EIF2AK3: variants seen among roughly 807,000 people sequenced by gnomAD.
EIF2AK3 encodes eukaryotic translation initiation factor 2-alpha kinase 3.
A neutral mutation model predicts 113.5 loss-of-function variants in EIF2AK3; 50 were observed. That is an observed-to-expected ratio of 0.44 (90% CI 0.35 to 0.56). The LOEUF (loss-of-function observed/expected upper bound fraction) is 0.56, where lower values mean the gene tolerates loss of function less well. EIF2AK3 is among the 20% of genes least tolerant of loss of function. The probability of loss-of-function intolerance (pLI) is 0.00; values close to 1 mark genes in which losing one functional copy is unlikely to be tolerated. For synonymous variants in EIF2AK3, 448 were observed against 495.4 expected, an observed-to-expected ratio of 0.90 and a Z score of 1.27; for missense variants, 1,185 against 1,378.0, an observed-to-expected ratio of 0.86 and a Z score of 2.22.
chr2:88,572,853 G>T (rs145665178), intron 13 of EIF2AK3, among the ~76,000 whole-genome samples: 1 of 152,164 alleles, frequency 6.6e-6, no homozygotes, highest in African/African-American at 2.4e-5. Context: ...AATAATCCAG[G>T]TGTGATGAGA....
intron 2 of EIF2AK3, among the ~76,000 whole-genome samples, chr2:88,611,521 TGAA>T (rs1339121962): frequency 6.6e-6 from 1 of 152,018 alleles, no homozygotes; most frequent in Non-Finnish European, 1.5e-5. Context: ...TTTTTTTCTA[TGAA>T]GTAGAAAATG....
chr2:88,613,833 G>C lies in EIF2AK3; in HGVS notation c.329C>G (p.Thr110Ser), dbSNP rs1411763475. 2 of 1,612,992 alleles carry C rather than the reference G, an allele frequency of 1.2e-6. No individual in the cohort carries two copies. Among genetic ancestry groups the C allele is most frequent in the Admixed American group, 1.7e-5 (1 of 59,992 alleles). The change falls in exon 2 of 17, where the codon ACT becomes AGT. Residue 110 changes from threonine (T) to serine (S), a missense_variant. Coordinates refer to ENST00000303236, the MANE Select transcript of EIF2AK3 (RefSeq NM_004836.7). ...PRGRSLVIIS[T>S]LDGRIAALDP... The stretch of plus-strand genomic sequence containing the variant: ...CAAGGCAGCAATTCTCCCATCTAAA[G>C]TGCTGATAATTACTAATGACCTGTA...
chr2:88,579,406 G>T, intron 11 of EIF2AK3, 112 bp downstream of exon 11: 1 of 1,418,310 alleles, frequency 7.1e-7, no homozygotes, highest in Non-Finnish European at 9.8e-7. Flanking sequence ...GATTTGAAAC[G>T]TCTGAAACTG....
intron 15 of EIF2AK3, 92 bp downstream of exon 15, chr2:88,562,197 A>T: frequency 2.0e-6 from 2 of 983,596 alleles, no homozygotes; most frequent in South Asian, 2.7e-5. Context: ...ATCTGCTGGT[A>T]TTAAGAAGAA....
chr2:88,575,018 G>C lies in EIF2AK3; in HGVS notation c.2465C>G (p.Pro822Arg), dbSNP rs551274166. ...GCDNASSKEEPKTNRLHIGNH... is the reference protein window; with the variant it reads ...GCDNASSKEERKTNRLHIGNH... ...GCCAATATGCAATCGATTAGTTTTCGGCTCTTCTTTACTGGAAGCATTATC... is the reference window on the plus strand; with the variant it reads ...GCCAATATGCAATCGATTAGTTTTCCGCTCTTCTTTACTGGAAGCATTATC... Residue 822 changes from proline to arginine, a missense_variant, in exon 13 of 17, where the codon CCG becomes CGG. Physicochemically the swap from Pro to Arg is moderately radical, Grantham distance 103. Transcript: ENST00000303236. The C allele has an allele frequency of 6.2e-7, 1 of 1,614,096 alleles. No individual in the cohort carries two copies. The highest frequency in any genetic ancestry group is 1.3e-5 in the African/African-American group (1 of 75,000).
intron 1 of EIF2AK3, among the ~76,000 whole-genome samples, chr2:88,617,016 T>A (rs1056690949): frequency 6.6e-6 from 1 of 152,118 alleles, no homozygotes; most frequent in Non-Finnish European, 1.5e-5. Flanking sequence ...TCTGCTGTGG[T>A]TGGAATTAAG....
Position 88,613,978 on chromosome 2 carries a change from T to C in EIF2AK3, c.309-125A>G, listed in dbSNP as rs537362463. 1.3e-4 allele frequency: 101 copies of C among 799,930 alleles called. No individual in the cohort carries two copies. The South Asian group carries it at 1.6e-3, about 13-fold the overall frequency. 49.6% of individuals were successfully genotyped at this position (799,930 alleles called of 1,614,324 possible). On this transcript the variant is annotated intron_variant, in intron 1 of 16. Coordinates refer to ENST00000303236, the MANE Select transcript of EIF2AK3 (RefSeq NM_004836.7). ...ATTCGTAGAAAGGAAGAGGGGGCCT[T>C]CTACCACTCTTGCCACCACTGTCTT...
At chr2:88,602,651 A>G (rs1374268309) in intron 2 of EIF2AK3, among the ~76,000 whole-genome samples, 2 of 152,220 alleles carry the variant, frequency 1.3e-5, no homozygotes, top group Non-Finnish European at 2.9e-5. Context: ...AATAATTCTT[A>G]CAACTTACAA....
intron 14 of EIF2AK3, among the ~76,000 whole-genome samples, chr2:88,562,955 T>G (rs1426910895): frequency 6.6e-6 from 1 of 152,242 alleles, no homozygotes; most frequent in Non-Finnish European, 1.5e-5. Context: ...ATGCTTCTTT[T>G]GTGTTGCTAT....
At chr2:88,617,585 C>T (rs1476937144) in intron 1 of EIF2AK3, among the ~76,000 whole-genome samples, 2 of 151,714 alleles carry the variant, frequency 1.3e-5, no homozygotes, top group Non-Finnish European at 2.9e-5. Flanking sequence ...GAAACCCCAT[C>T]TCTACTAAAA....
In EIF2AK3 at chr2:88,556,759, T is replaced by C. The variant is rs1255489834; in HGVS notation, c.*977A>G. ...AACATACTTAATTTAAAAAAAGTTT[T>C]ATTAAATCATTTAGACTTGAAAGAA... On this transcript the variant is annotated 3_prime_UTR_variant, in exon 17 of 17. Transcript: ENST00000303236. 6.6e-6 allele frequency: 1 copy of C among 152,256 alleles called. No individual in the cohort carries two copies. Among genetic ancestry groups the C allele is most frequent in the Non-Finnish European group, 1.5e-5 (1 of 68,042 alleles). 9.4% of individuals were successfully genotyped at this position (152,256 alleles called of 1,614,324 possible).
intron 2 of EIF2AK3, among the ~76,000 whole-genome samples, chr2:88,607,392 A>G (rs563755580): frequency 6.6e-6 from 1 of 152,362 alleles, no homozygotes; most frequent in Admixed American, 6.5e-5. Flanking sequence ...TATTATGCTT[A>G]GAACCTAAGC....
intron 1 of EIF2AK3, among the ~76,000 whole-genome samples, chr2:88,626,510 T>C (rs754901936): frequency 2.6e-5 from 4 of 152,198 alleles, no homozygotes; most frequent in Non-Finnish European, 5.9e-5. Context: ...ATCTCAATCC[T>C]TGTCCGGGGG....
intron 1 of EIF2AK3, 151 bp downstream of exon 1, chr2:88,626,816 G>A (rs1024055487): frequency 9.1e-6 from 10 of 1,103,436 alleles, no homozygotes; most frequent in African/African-American, 3.3e-5. Context: ...GGAGGGCGTC[G>A]TGGCCCCGCG....
At chr2:88,620,080 T>C (rs955046596) in intron 1 of EIF2AK3, among the ~76,000 whole-genome samples, 16 of 152,202 alleles carry the variant, frequency 1.1e-4, no homozygotes, top group Non-Finnish European at 2.1e-4. Flanking sequence ...CAGGTTTCTT[T>C]CCCCTCTCTT....
In EIF2AK3 at chr2:88,590,429, A is replaced by AT; in HGVS notation, c.1165+13dup. On this transcript the variant is annotated intron_variant, in intron 6 of 16. Coordinates refer to ENST00000303236, the MANE Select transcript of EIF2AK3 (RefSeq NM_004836.7). ...TCAATGTGTACTATCGTTAGATAAG[A>AT]TACATTTACTCACCCAAGTAAACAC... is the stretch of plus-strand genomic sequence containing the variant. 6.2e-7 allele frequency: 1 copy of AT among 1,613,414 alleles called. No individual in the cohort carries two copies. The highest frequency in any genetic ancestry group is 1.7e-5 in the Admixed American group (1 of 60,012).
intron 2 of EIF2AK3, among the ~76,000 whole-genome samples, chr2:88,602,900 T>C (rs1675189620): frequency 6.6e-6 from 1 of 151,918 alleles, no homozygotes; most frequent in Non-Finnish European, 1.5e-5. Flanking sequence ...CAAACCACCA[T>C]GACACATGTA....
chr2:88,582,114 G>C (rs911745323), intron 10 of EIF2AK3, among the ~76,000 whole-genome samples: 2 of 152,146 alleles, frequency 1.3e-5, no homozygotes, highest in African/African-American at 4.8e-5. Context: ...GGCAGGCCTA[G>C]AGGTCTTTGT....
At chr2:88,605,939 G>A (rs1179260445) in intron 2 of EIF2AK3, among the ~76,000 whole-genome samples, 1 of 152,112 alleles carries the variant, frequency 6.6e-6, no homozygotes, top group Admixed American at 6.6e-5. Flanking sequence ...ATGCCCTAAC[G>A]GGAGGGGTAA....
Sources: allele counts gnomAD v4.1 joint callset (sites outside exome capture counted in the v4.1 genomes callset), GRCh38; gene constraint gnomAD v4.1.1; transcripts MANE v1.5; gene names NCBI Gene and HGNC (gene_info 2026-07-23, HGNC 2026-07-21).